SPATA13: variants seen among roughly 807,000 people sequenced by gnomAD.
SPATA13 encodes the protein spermatogenesis associated 13, also known as spermatogenesis-associated protein 13.
SPATA13 carries 50 observed loss-of-function variants against 104.0 expected under a neutral mutation model. The observed-to-expected ratio is 0.48, with a 90% CI of 0.38 to 0.61. The LOEUF is 0.61. Among genes scored for constraint, SPATA13 ranks in the 20% least tolerant of loss-of-function variants. The probability of loss-of-function intolerance (pLI) is 0.00; values close to 1 mark genes in which losing one functional copy is unlikely to be tolerated. For synonymous variants in SPATA13, 606 were observed against 667.5 expected (o/e 0.91, Z 1.42); for missense variants, 1,524 against 1,690.6 (o/e 0.90, Z 1.73).
intron 2 of SPATA13, among the ~76,000 whole-genome samples, chr13:24,245,264 G>A (rs1254553862): frequency 6.6e-6 from 1 of 150,502 alleles, no homozygotes; most frequent in Non-Finnish European, 1.5e-5. Flanking sequence ...TGGTATTTCA[G>A]AAGTACATAA....
intron 1 of SPATA13, among the ~76,000 whole-genome samples, chr13:24,176,840 T>A (rs748019305): frequency 6.6e-6 from 1 of 152,186 alleles, no homozygotes; most frequent in African/African-American, 2.4e-5. Context: ...CCAGGCTCAC[T>A]GCAACCTCCG....
intron 3 of SPATA13, among the ~76,000 whole-genome samples, chr13:24,120,815 C>G (rs1405783592): frequency 1.3e-5 from 2 of 152,122 alleles, no homozygotes; most frequent in Non-Finnish European, 2.9e-5. Context: ...CAGGTACTTA[C>G]AGTTTAAAAG....
chr13:24,236,727 TA>T (rs150727601), intron 2 of SPATA13, among the ~76,000 whole-genome samples: 1,998 of 151,758 alleles, frequency 0.013, 20 homozygotes, highest in Non-Finnish European at 0.021. Context: ...ATGGCTACTA[TA>T]AAAAAAATAA....
intron 1 of SPATA13, among the ~76,000 whole-genome samples, chr13:24,206,760 G>A (rs1188157220): frequency 1.3e-5 from 2 of 152,020 alleles, no homozygotes; most frequent in Admixed American, 1.3e-4. Context: ...GACGTGTTGG[G>A]ATGTGCCTGT....
chr13:24,138,958 CAT>C (rs1316807774), intron 3 of SPATA13, among the ~76,000 whole-genome samples: 1 of 152,048 alleles, frequency 6.6e-6, no homozygotes, highest in Non-Finnish European at 1.5e-5. Context: ...ATTTAATAAA[CAT>C]GTTATTTCCT....
At position 24,154,450 on chromosome 13, in the gene SPATA13, A is replaced by G. The variant is rs75449334; in HGVS notation, c.-111-68369A>G. Among the ~76,000 whole-genome samples, 1,032 of 152,304 alleles carry G rather than the reference A, an allele frequency of 6.8e-3. 7 individuals are homozygous for G. Among genetic ancestry groups the G allele is most frequent in the African/African-American group, 0.024 (977 of 41,548 alleles). ...GTATACATCCTGCATGACTCCATTT[A>G]TATGAAGTTCAAAAACAGAAGTAAT... On this transcript the variant is annotated intron_variant, in intron 3 of 14. Transcript: ENST00000424834.
At chr13:24,171,541 G>A (rs1415248899) in intron 1 of SPATA13, among the ~76,000 whole-genome samples, 1 of 152,232 alleles carries the variant, frequency 6.6e-6, no homozygotes. Flanking sequence ...AGCATACAGG[G>A]CTGATAATTA....
chr13:24,173,485 G>GC (rs564228372), intron 1 of SPATA13, among the ~76,000 whole-genome samples: 355 of 148,646 alleles, frequency 2.4e-3, no homozygotes, highest in Non-Finnish European at 3.9e-3. Flanking sequence ...CCATCCATAC[G>GC]CCTTTTATTC....
intron 3 of SPATA13, among the ~76,000 whole-genome samples, chr13:24,127,758 C>CTT (rs1881267776): frequency 6.6e-6 from 1 of 152,150 alleles, no homozygotes; most frequent in Admixed American, 6.5e-5. Flanking sequence ...AAAATACTGA[C>CTT]TTGTGAGCAA....
intron 4 of SPATA13, among the ~76,000 whole-genome samples, chr13:24,257,351 C>T (rs1252550467): frequency 6.6e-6 from 1 of 152,060 alleles, no homozygotes; most frequent in Non-Finnish European, 1.5e-5. Flanking sequence ...TATGGGTAGA[C>T]CCCTTTCAAA....
chr13:24,225,500 A>G (rs905942147), intron 2 of SPATA13, among the ~76,000 whole-genome samples: 18 of 152,222 alleles, frequency 1.2e-4, no homozygotes, highest in African/African-American at 4.3e-4. Context: ...CAGAAGGGCC[A>G]CAGCTCTCTT....
At chr13:24,043,492 A>G (rs1448043554) in intron 3 of SPATA13, among the ~76,000 whole-genome samples, 1 of 152,014 alleles carries the variant, frequency 6.6e-6, no homozygotes, top group Non-Finnish European at 1.5e-5. Flanking sequence ...ACACACACAC[A>G]CACCCATGAA....
At chr13:24,264,695 A>G (rs1394000990) in intron 4 of SPATA13, among the ~76,000 whole-genome samples, 5 of 152,236 alleles carry the variant, frequency 3.3e-5, no homozygotes, top group Non-Finnish European at 7.3e-5. Flanking sequence ...TATGTTTGAA[A>G]TGTGCTTGGT....
intron 2 of SPATA13, among the ~76,000 whole-genome samples, chr13:24,238,976 G>A (rs1418369331): frequency 3.9e-5 from 6 of 152,162 alleles, no homozygotes; most frequent in East Asian, 1.9e-4. Context: ...CATGTGGCCC[G>A]AGTGTCTGTG....
chr13:24,247,394 G>T (rs1318767137), intron 2 of SPATA13, among the ~76,000 whole-genome samples: 1 of 151,260 alleles, frequency 6.6e-6, no homozygotes, highest in Non-Finnish European at 1.5e-5. Context: ...CACTTCTTTA[G>T]GTCCCAGTTT....
intron 3 of SPATA13, among the ~76,000 whole-genome samples, chr13:24,135,634 C>T (rs1325998241): frequency 7.0e-6 from 1 of 143,124 alleles, no homozygotes; most frequent in Admixed American, 7.4e-5. Flanking sequence ...GGAGGCGGAG[C>T]TTGCAGTGAG....
intron 3 of SPATA13, among the ~76,000 whole-genome samples, chr13:24,120,914 G>A (rs1881011850): frequency 6.6e-6 from 1 of 152,204 alleles, no homozygotes; most frequent in South Asian, 2.1e-4. Flanking sequence ...TCACGAAAGA[G>A]TGGATGGTAC....
At chr13:24,268,314 A>G (rs950464173) in intron 4 of SPATA13, among the ~76,000 whole-genome samples, 3 of 152,192 alleles carry the variant, frequency 2.0e-5, no homozygotes, top group Non-Finnish European at 4.4e-5. Context: ...TTTACACGAG[A>G]GAGAGAGTAG....
chr13:24,269,888 C>T (rs1384452572), intron 4 of SPATA13, among the ~76,000 whole-genome samples: 1 of 151,218 alleles, frequency 6.6e-6, no homozygotes, highest in Non-Finnish European at 1.5e-5. Context: ...CTTGCCCAGA[C>T]CTAATTTTTT....
Sources: gnomAD v4.1 joint callset for allele counts (sites outside exome capture counted in the v4.1 genomes callset) on GRCh38, gnomAD v4.1.1 for gene constraint, MANE v1.5 for transcripts, NCBI Gene and HGNC (gene_info 2026-07-23, HGNC 2026-07-21) for gene names.